RARB: variants seen among roughly 807,000 people sequenced by gnomAD.
RARB encodes retinoic acid receptor beta, also known as HBV-activated protein.
A neutral mutation model predicts 51.9 loss-of-function variants in RARB; 17 were observed. The observed-to-expected ratio is 0.33, with a 90% CI of 0.22 to 0.49. The LOEUF (loss-of-function observed/expected upper bound fraction) is 0.49. Ranked by LOEUF, RARB falls within the 20% of genes least tolerant of loss-of-function variation. The pLI is 0.99. For synonymous variants in RARB, 215 were observed against 195.4 expected (o/e 1.10, Z -0.84); for missense variants, 369 against 550.8 (o/e 0.67, Z 3.30).
intron 5 of RARB, among the ~76,000 whole-genome samples, chr3:25,212,721 A>C (rs888066461): frequency 6.6e-6 from 1 of 151,432 alleles, no homozygotes; most frequent in Non-Finnish European, 1.5e-5. Flanking sequence ...TCTCCATCTG[A>C]TGCTATTTCC....
chr3:24,923,647 C>T (rs891165030), intron 2 of RARB, among the ~76,000 whole-genome samples: 1 of 152,052 alleles, frequency 6.6e-6, no homozygotes, highest in Non-Finnish European at 1.5e-5. Flanking sequence ...TTGCTTAGGG[C>T]AAGGTATAAG....
intron 2 of RARB, among the ~76,000 whole-genome samples, chr3:24,995,255 T>C (rs1478112191): frequency 6.6e-6 from 1 of 151,748 alleles, no homozygotes; most frequent in African/African-American, 2.4e-5. Context: ...CTTTTGTAAA[T>C]GGGATTGCCT....
intron 2 of RARB, among the ~76,000 whole-genome samples, chr3:25,016,007 C>A (rs1319044566): frequency 6.6e-6 from 1 of 152,118 alleles, no homozygotes; most frequent in Non-Finnish European, 1.5e-5. Flanking sequence ...GTATTAATTT[C>A]TTCCATGATT....
At chr3:25,304,664 G>A (rs1463834964) in intron 5 of RARB, among the ~76,000 whole-genome samples, 3 of 152,126 alleles carry the variant, frequency 2.0e-5, no homozygotes, top group Admixed American at 6.6e-5. Context: ...GCTAGTCCAC[G>A]TACCATTTGA....
intron 5 of RARB, among the ~76,000 whole-genome samples, chr3:25,316,660 A>T (rs1704432895): frequency 6.6e-6 from 1 of 152,234 alleles, no homozygotes; most frequent in Non-Finnish European, 1.5e-5. Flanking sequence ...CCACAAACTG[A>T]TGAGAGAACA....
intron 1 of RARB, among the ~76,000 whole-genome samples, chr3:24,843,343 G>A (rs1460260126): frequency 6.6e-6 from 1 of 152,050 alleles, no homozygotes; most frequent in Non-Finnish European, 1.5e-5. Flanking sequence ...TAAAAGACAG[G>A]GAGACTTAAT....
intron 2 of RARB, among the ~76,000 whole-genome samples, chr3:24,967,770 A>T (rs1008959668): frequency 1.3e-5 from 2 of 152,310 alleles, no homozygotes; most frequent in African/African-American, 4.8e-5. Flanking sequence ...AGAGACTGCA[A>T]ACATTATTTT....
intron 1 of RARB, among the ~76,000 whole-genome samples, chr3:24,849,426 G>A (rs913522291): frequency 2.0e-5 from 3 of 152,206 alleles, no homozygotes; most frequent in East Asian, 1.9e-4. Flanking sequence ...AGTTATTCTC[G>A]CTACTTATGT....
intron 2 of RARB, among the ~76,000 whole-genome samples, chr3:25,042,009 C>T (rs947207360): frequency 5.9e-5 from 9 of 152,082 alleles, no homozygotes; most frequent in South Asian, 2.1e-4. Flanking sequence ...GAGAGAAGGT[C>T]CCCTGGCCCC....
At chr3:25,001,491 C>T (rs993852319) in intron 2 of RARB, among the ~76,000 whole-genome samples, 2 of 151,988 alleles carry the variant, frequency 1.3e-5, no homozygotes, top group African/African-American at 2.4e-5. Context: ...AGAAAAAATG[C>T]GGGACTGGTG....
intron 5 of RARB, among the ~76,000 whole-genome samples, chr3:25,364,313 G>A (rs1706045383): frequency 6.6e-6 from 1 of 152,020 alleles, no homozygotes; most frequent in South Asian, 2.1e-4. Flanking sequence ...GAGGGAATTG[G>A]GGTTACTCCA....
chr3:25,089,694 T>A (rs1699163514), intron 3 of RARB, among the ~76,000 whole-genome samples: 1 of 152,174 alleles, frequency 6.6e-6, no homozygotes, highest in Admixed American at 6.6e-5. Context: ...TCAGTGAGGT[T>A]CAGCAATAGC....
intron 1 of RARB, among the ~76,000 whole-genome samples, chr3:24,833,950 C>A (rs1702312080): frequency 6.6e-6 from 1 of 152,190 alleles, no homozygotes. Context: ...CACCTTTCAC[C>A]TATTATTTTT....
intron 2 of RARB, among the ~76,000 whole-genome samples, chr3:24,871,397 CCTT>C (rs771368386): frequency 2.4e-4 from 36 of 152,144 alleles, no homozygotes; most frequent in Non-Finnish European, 4.4e-4. Context: ...CGTCGTTAGT[CCTT>C]CTTGACACAA....
chr3:25,046,458 A>T (rs1157019765), intron 2 of RARB, among the ~76,000 whole-genome samples: 4 of 151,794 alleles, frequency 2.6e-5, no homozygotes, highest in Admixed American at 6.6e-5. Context: ...AAATATTATA[A>T]TTTTTTTATT....
At position 24,863,679 on chromosome 3, in the gene RARB, G is replaced by A. The variant is rs192171762; in HGVS notation, c.-380+4927G>A. Among the ~76,000 whole-genome samples, 145 of 151,314 alleles carry A rather than the reference G, an allele frequency of 9.6e-4. 2 individuals carry two copies. The highest frequency in any genetic ancestry group is 1.3e-3 in the South Asian group (6 of 4,774). On this transcript the variant is annotated intron_variant, in intron 2 of 11. Coordinates refer to the RARB transcript ENST00000383772. ...CTAATTTTCACTGACTAGGGGAGGC[G>A]GAAATTTTCTATGAAGCAACAAGTT...
At chr3:25,356,554 G>T (rs555606789) in intron 5 of RARB, among the ~76,000 whole-genome samples, 1 of 151,630 alleles carries the variant, frequency 6.6e-6, no homozygotes, top group East Asian at 1.9e-4. Flanking sequence ...TGGGATACAC[G>T]TGCAGAATGC....
At chr3:25,224,140 C>A (rs1305703887) in intron 5 of RARB, among the ~76,000 whole-genome samples, 3 of 152,114 alleles carry the variant, frequency 2.0e-5, no homozygotes, top group Admixed American at 6.5e-5. Context: ...TCAATTCATA[C>A]AACATTTGGT....
intron 3 of RARB, among the ~76,000 whole-genome samples, chr3:25,125,581 A>T (rs77625307): frequency 1.3e-3 from 199 of 152,310 alleles, no homozygotes; most frequent in African/African-American, 4.6e-3. Flanking sequence ...CTGGATTCAG[A>T]TATTTAAAAA....
Sources: allele counts gnomAD v4.1 joint callset (sites outside exome capture counted in the v4.1 genomes callset), GRCh38; gene constraint gnomAD v4.1.1; transcripts MANE v1.5; gene names NCBI Gene and HGNC (gene_info 2026-07-23, HGNC 2026-07-21).